METTL16: variants seen among roughly 807,000 people sequenced by gnomAD.
The protein encoded by METTL16 is RNA N(6)-adenosine-methyltransferase METTL16.
Under a neutral mutation model 57.9 loss-of-function variants are expected in METTL16, and 19 were observed. That is an observed-to-expected ratio of 0.33 (90% CI 0.23 to 0.48). The LOEUF (loss-of-function observed/expected upper bound fraction) is 0.48, where lower values mean the gene tolerates loss of function less well. Ranked by LOEUF, METTL16 falls within the 20% of genes least tolerant of loss-of-function variation. METTL16 has a pLI of 0.99. For synonymous variants in METTL16, 246 were observed against 255.6 expected, an observed-to-expected ratio of 0.96 and a Z score of 0.36; for missense variants, 434 against 691.5, an observed-to-expected ratio of 0.63 and a Z score of 4.18.
intron 2 of METTL16, among the ~76,000 whole-genome samples, chr17:2,497,869 G>A (rs577018454): frequency 6.6e-6 from 1 of 151,562 alleles, no homozygotes; most frequent in Non-Finnish European, 1.5e-5. Flanking sequence ...TGTGACTGCA[G>A]GTATGAGGCA....
At chr17:2,457,317 G>C (rs1397464448) in intron 6 of METTL16, among the ~76,000 whole-genome samples, 1 of 119,976 alleles carries the variant, frequency 8.3e-6, no homozygotes, top group East Asian at 2.4e-4. Flanking sequence ...CAACATGGAC[G>C]ACAGAGCGAG....
intron 1 of METTL16, among the ~76,000 whole-genome samples, chr17:2,506,548 A>G (rs9910315): frequency 0.85 from 126,025 of 149,094 alleles, 54,055 homozygotes; most frequent in Non-Finnish European, 0.93. Flanking sequence ...TCGGCCTCCC[A>G]AGGTGCCGGG....
At chr17:2,496,722 C>T (rs1016018456) in intron 2 of METTL16, among the ~76,000 whole-genome samples, 6 of 151,534 alleles carry the variant, frequency 4.0e-5, no homozygotes, top group Non-Finnish European at 5.9e-5. Flanking sequence ...ATCCCCAATG[C>T]CAACAGTGTT....
intron 2 of METTL16, among the ~76,000 whole-genome samples, chr17:2,492,174 G>A (rs954507304): frequency 2.6e-5 from 4 of 152,090 alleles, no homozygotes; most frequent in Non-Finnish European, 2.9e-5. Flanking sequence ...TTGCGCCACT[G>A]CACTCCAGCC....
At chr17:2,422,900 T>C (rs1233977394) in intron 8 of METTL16, among the ~76,000 whole-genome samples, 1 of 151,992 alleles carries the variant, frequency 6.6e-6, no homozygotes. Flanking sequence ...GGAGAATCAC[T>C]TGAACCCAGG....
In METTL16 at chr17:2,416,564, C is replaced by A. The variant is rs886396444; in HGVS notation, c.*3406G>T. 1 of 152,290 alleles carries A rather than the reference C, an allele frequency of 6.6e-6. No individual in the cohort carries two copies. Among genetic ancestry groups the A allele is most frequent in the African/African-American group, 2.4e-5 (1 of 41,450 alleles). 9.4% of individuals were successfully genotyped at this position (152,290 alleles called of 1,614,324 possible). ...GAGGTCTGGAGTGGGGACAGTGCGG[C>A]CAGCATGTGTGGGGAAGGAAGCAGG... On this transcript the variant is annotated 3_prime_UTR_variant, in exon 10 of 10. Transcript: ENST00000263092.
chr17:2,493,129 C>T (rs114889008), intron 2 of METTL16, among the ~76,000 whole-genome samples: 7,616 of 132,742 alleles, frequency 0.057, 226 homozygotes, highest in Non-Finnish European at 0.068. Flanking sequence ...GGTGATTCTT[C>T]TTTTTTTTTT....
intron 4 of METTL16, among the ~76,000 whole-genome samples, chr17:2,469,736 G>C (rs903624810): frequency 2.0e-5 from 3 of 152,112 alleles, no homozygotes; most frequent in Non-Finnish European, 2.9e-5. Flanking sequence ...TGTTGGTCAG[G>C]CTGGTCTCAA....
intron 4 of METTL16, among the ~76,000 whole-genome samples, chr17:2,469,521 C>T (rs1325294906): frequency 1.3e-5 from 2 of 152,066 alleles, no homozygotes; most frequent in African/African-American, 2.4e-5. Context: ...GTTCTATGTA[C>T]TGAAATTATT....
At chr17:2,499,442 C>T (rs1321804688) in intron 2 of METTL16, among the ~76,000 whole-genome samples, 1 of 146,982 alleles carries the variant, frequency 6.8e-6, no homozygotes, top group African/African-American at 2.7e-5. Context: ...GCTGGGACTA[C>T]AGATGCACAG....
chr17:2,456,933 G>A (rs557392107), intron 6 of METTL16, among the ~76,000 whole-genome samples: 3 of 148,702 alleles, frequency 2.0e-5, no homozygotes, highest in African/African-American at 7.4e-5. Context: ...GATTACAGGC[G>A]CATGCACCCG....
intron 5 of METTL16, among the ~76,000 whole-genome samples, chr17:2,464,574 A>C (rs1430024716): frequency 2.0e-5 from 3 of 152,224 alleles, no homozygotes; most frequent in Admixed American, 1.3e-4. Context: ...TTTGTGGTTA[A>C]ACATGAAAAT....
chr17:2,417,450 G>C lies in METTL16; in HGVS notation c.*2520C>G, dbSNP rs1444796437. On this transcript the variant is annotated 3_prime_UTR_variant, in exon 10 of 10. Transcript: ENST00000263092. ...ACATGAAGCCTTAAACCTAGGGACA[G>C]AAACACACTGAGACACAGAAACACC... 1 of 152,126 alleles carries C rather than the reference G, an allele frequency of 6.6e-6. No individual in the cohort carries two copies. Among genetic ancestry groups the C allele is most frequent in the Non-Finnish European group, 1.5e-5 (1 of 68,032 alleles). The allele number at this position is 152,126 out of a possible 1,614,324, so 9.4% of individuals were successfully genotyped here. A position where few individuals can be genotyped will look rare whatever the true frequency, so the allele number is the denominator to read the frequency against.
chr17:2,422,752 G>A (rs1362556835), intron 8 of METTL16, among the ~76,000 whole-genome samples: 1 of 152,148 alleles, frequency 6.6e-6, no homozygotes, highest in Non-Finnish European at 1.5e-5. Flanking sequence ...CGGAGGCCGA[G>A]GCGGCCGGAT....
At chr17:2,473,745 G>T in intron 3 of METTL16, 81 bp from the exon 4 acceptor site, 5 of 1,441,642 alleles carry the variant, frequency 3.5e-6, no homozygotes, top group Non-Finnish European at 4.7e-6. Flanking sequence ...ATTCTTCTCA[G>T]AATTCTGTTT....
intron 6 of METTL16, among the ~76,000 whole-genome samples, chr17:2,448,766 T>TAAAA (rs1567889867): frequency 2.7e-5 from 1 of 37,244 alleles, no homozygotes; most frequent in Non-Finnish European, 5.6e-5. Context: ...ATAAAAAAAA[T>TAAAA]AAAAAATAAA....
chr17:2,462,661 G>A (rs34372997), intron 6 of METTL16, among the ~76,000 whole-genome samples: 7,467 of 152,026 alleles, frequency 0.049, 261 homozygotes, highest in Middle Eastern at 0.086. Flanking sequence ...CTCTGGCCAC[G>A]TAATGATGTG....
chr17:2,427,683 T>TCC (rs1221927608), intron 8 of METTL16, among the ~76,000 whole-genome samples: 1 of 151,628 alleles, frequency 6.6e-6, no homozygotes. Context: ...GCTCAAGTGA[T>TCC]CCCCCCGCCT....
chr17:2,473,210 A>G (rs1027053461), intron 4 of METTL16, among the ~76,000 whole-genome samples: 3 of 152,206 alleles, frequency 2.0e-5, no homozygotes, highest in African/African-American at 7.2e-5. Context: ...GTCTCTGGAA[A>G]TGTTTCTAAG....
Sources: allele counts gnomAD v4.1 joint callset (sites outside exome capture counted in the v4.1 genomes callset), GRCh38; gene constraint gnomAD v4.1.1; transcripts MANE v1.5; gene names NCBI Gene and HGNC (gene_info 2026-07-23, HGNC 2026-07-21).